BOP1: variants seen among roughly 807,000 people sequenced by gnomAD.
The protein encoded by BOP1 is BOP1 ribosomal biogenesis factor, also known as ribosome biogenesis protein BOP1.
A neutral mutation model predicts 82.9 loss-of-function variants in BOP1; 54 were observed. The ratio of observed to expected loss-of-function variants is 0.65; its 90% CI spans 0.52 to 0.82. The LOEUF (loss-of-function observed/expected upper bound fraction) is 0.82. Among genes scored for constraint, BOP1 ranks in the 40% least tolerant of loss-of-function variants. The pLI is 0.00. For missense variants in BOP1, 1,170 were observed against 1,072.0 expected (o/e 1.09, Z -1.28); for synonymous variants, 566 against 451.1 (o/e 1.25, Z -3.23).
chr8:144,262,962 C>T lies in BOP1; in HGVS notation c.1785G>A (p.Leu595=), dbSNP rs782106517. Residue 595 remains leucine, a synonymous_variant, in exon 13 of 16, where the codon TTG becomes TTA. Transcript: ENST00000569669. ...GGCGGACGCTGCGCTGGGACGCCACCAACAGGAAGGGCCGGGCAGGGTGGA... is the reference window on the plus strand; with the variant it reads ...GGCGGACGCTGCGCTGGGACGCCACTAACAGGAAGGGCCGGGCAGGGTGGA... ...VAFHPARPFL[L]VASQRSVRLY... The T allele has an allele frequency of 9.7e-6, 15 of 1,548,978 alleles. No homozygotes were observed. In the South Asian group the frequency reaches 1.8e-4, roughly 18 times the overall value.
At chr8:144,273,655 C>T (rs1239432077) in intron 3 of BOP1, among the ~76,000 whole-genome samples, 1 of 152,246 alleles carries the variant, frequency 6.6e-6, no homozygotes, top group African/African-American at 2.4e-5. Context: ...GCCCCCTTGC[C>T]CCGCCCCTCC....
In BOP1 at chr8:144,264,373, G is replaced by T; in HGVS notation, c.830C>A (p.Thr277Asn). Reference sequence around the variant, plus strand: ...GGCCCACAGGTCATAGAAGCTGGGGGTGGGGTCTCGGGGCCGGCGAGGCTG... The same window carrying T: ...GGCCCACAGGTCATAGAAGCTGGGGTTGGGGTCTCGGGGCCGGCGAGGCTG... ...WIQPRRPRDP[T>N]PSFYDLWAQE... The change falls in exon 7 of 16, where the codon ACC becomes AAC. Residue 277 changes from threonine to asparagine, a missense_variant. By Grantham distance (65) the Thr-to-Asn change is moderately conservative. Transcript: ENST00000569669. The T allele has an allele frequency of 6.2e-7, 1 of 1,604,168 alleles. No homozygotes were observed. The highest frequency in any genetic ancestry group is 8.5e-7 in the Non-Finnish European group (1 of 1,179,698).
intron 6 of BOP1, 21 bp from the exon 7 acceptor site, chr8:144,264,458 G>A (rs960368408): frequency 7.5e-6 from 12 of 1,606,602 alleles, no homozygotes; most frequent in Non-Finnish European, 9.3e-6. Context: ...AGCCGGGTCA[G>A]GACGGGCAGT....
chr8:144,266,468 T>G, intron 3 of BOP1: 2 of 979,702 alleles, frequency 2.0e-6, no homozygotes, highest in Non-Finnish European at 1.2e-6. Context: ...GGGACGCACA[T>G]GTGCGCGCGA....
rs1336401755 is a variant in BOP1, at chr8:144,268,452, ATAAT to A, written c.391-3385_391-3382del. The A allele has an allele frequency of 3.2e-5, 17 of 538,060 alleles. No homozygotes were observed. The Admixed American group carries it at 5.2e-4, about 17-fold the overall frequency. The allele number at this position is 538,060 out of a possible 1,614,324, so 33.3% of individuals were successfully genotyped here. On this transcript the variant is annotated intron_variant, in intron 3 of 15. Coordinates refer to ENST00000569669, the MANE Select transcript of BOP1 (RefSeq NM_015201.5). ...ATAATATAAAGTCTGAAAATTTTGT[ATAAT>A]TAAAAACAAAACAGTATCTTCCAAA...
intron 2 of BOP1, among the ~76,000 whole-genome samples, chr8:144,280,778 G>T (rs373604939): frequency 1.2e-4 from 19 of 152,268 alleles, no homozygotes; most frequent in African/African-American, 4.1e-4. Context: ...CTTGAATCTG[G>T]GGGGTGGAGA....
At chr8:144,262,539 G>C in intron 14 of BOP1, 36 bp from the exon 15 acceptor site, 4 of 1,612,812 alleles carry the variant, frequency 2.5e-6, no homozygotes, top group Non-Finnish European at 3.4e-6. Flanking sequence ...GCAGGCTCGG[G>C]CTGAAGGGAG....
rs11995472 is a variant in BOP1 at position 144,270,080 on chromosome 8, G to A, written c.391-5009C>T. Among the ~76,000 whole-genome samples the A allele has an allele frequency of 8.4e-3, 1,280 of 152,302 alleles. 20 individuals carry two copies. The highest frequency in any genetic ancestry group is 0.029 in the African/African-American group (1,219 of 41,564). ...ACATGAACCCCCAACCTCAGTGGCCGGTCAACGTTGGGGACAAATGGGATG... is the reference window on the plus strand; with the variant it reads ...ACATGAACCCCCAACCTCAGTGGCCAGTCAACGTTGGGGACAAATGGGATG... On this transcript the variant is annotated intron_variant, in intron 3 of 15. Coordinates refer to ENST00000569669, the MANE Select transcript of BOP1 (RefSeq NM_015201.5).
chr8:144,267,111 C>T (rs2130211245), intron 3 of BOP1: 2 of 1,465,504 alleles, frequency 1.4e-6, no homozygotes, highest in South Asian at 2.8e-5. Context: ...CGCCGCCTCC[C>T]GCCCGCGACG....
rs1588603639 is a variant in BOP1, at chr8:144,280,973, A to ATACCAGGTCTTCGGCCTTCTCTCACTTTC, written c.310-4670_310-4669insGAAAGTGAGAGAAGGCCGAAGACCTGGTA. ...CAGGTCTTTGGCCTTCTCTCACTTT[A>ATACCAGGTCTTCGGCCTTCTCTCACTTTC]ATACCAGGTCTTCGGCCTTCTCTCA... On this transcript the variant is annotated intron_variant, in intron 2 of 15. Transcript: ENST00000569669. Among the ~76,000 whole-genome samples the ATACCAGGTCTTCGGCCTTCTCTCACTTTC allele has an allele frequency of 1.5e-3, 78 of 52,788 alleles. 1 individual carries two copies. Among genetic ancestry groups the ATACCAGGTCTTCGGCCTTCTCTCACTTTC allele is most frequent in the South Asian group, 7.9e-3 (10 of 1,270 alleles). 34.6% of individuals were successfully genotyped at this position (52,788 alleles called of 152,430 possible). A position where few individuals can be genotyped will look rare whatever the true frequency, so the allele number is the denominator to read the frequency against.
Position 144,262,155 on chromosome 8 carries a change from G to A in BOP1, c.*9C>T, listed in dbSNP as rs1054426465. The A allele has an allele frequency of 1.1e-4, 183 of 1,612,082 alleles. No individual in the cohort carries two copies. The highest frequency in any genetic ancestry group is 3.2e-4 in the African/African-American group (24 of 74,994). ...GCACGACCACCCCAGCCCCAGGCAG[G>A]CAGAACAGCTAGGTGAAGAGGCGGA... is the stretch of plus-strand genomic sequence containing the variant. On this transcript the variant is annotated 3_prime_UTR_variant, in exon 16 of 16. Coordinates refer to ENST00000569669, the MANE Select transcript of BOP1 (RefSeq NM_015201.5).
In BOP1 at chr8:144,263,568, G is replaced by C; in HGVS notation, c.1334C>G (p.Ala445Gly). 1 of 1,602,806 alleles carries C rather than the reference G, an allele frequency of 6.2e-7. No homozygotes were observed. The highest frequency in any genetic ancestry group is 8.5e-7 in the Non-Finnish European group (1 of 1,179,726). Residue 445 changes from alanine (A) to glycine (G), a missense_variant, in exon 11 of 16, where the codon GCC becomes GGC. Transcript: ENST00000569669. ...CACGGGAACAGTCCTCACACAGCGG[G>C]CAGTGGCCACCTCCCAGAGCCGCAG... ...GSLRLWEVAT[A>G]RCVRTVPVGG...
chr8:144,277,721 C>A (rs907272612), intron 2 of BOP1, among the ~76,000 whole-genome samples: 33 of 121,240 alleles, frequency 2.7e-4, no homozygotes, highest in African/African-American at 8.1e-4. Context: ...CGCAGCATCC[C>A]CGTGGGACAG....
Position 144,264,161 on chromosome 8 carries a change from A to C in BOP1, c.979-19T>G. 2 of 1,609,894 alleles carry C rather than the reference A, an allele frequency of 1.2e-6. No homozygotes were observed. Among genetic ancestry groups the C allele is most frequent in the Non-Finnish European group, 1.7e-6 (2 of 1,178,910 alleles). On this transcript the variant is annotated intron_variant, in intron 7 of 15. Transcript: ENST00000569669. ...CCAAGCGCTGTGGAGACCAAGACAC[A>C]GGGGTGGGGAGGGTCACAGGGAAGC...
At position 144,263,792 on chromosome 8, in the gene BOP1, C is replaced by T; in HGVS notation, c.1222-31G>A. 4 of 1,605,140 alleles carry T rather than the reference C, an allele frequency of 2.5e-6. No individual in the cohort carries two copies. In the South Asian group the frequency reaches 3.3e-5, roughly 13 times the overall value. ...GAGGCGGCGGCAGTGAGGAGTCAGA[C>T]TGGGAGGGTGCAACCCCAGCCCCCT... On this transcript the variant is annotated intron_variant, in intron 9 of 15. Transcript: ENST00000569669.
intron 2 of BOP1, among the ~76,000 whole-genome samples, chr8:144,286,288 G>A (rs1457106794): frequency 1.3e-5 from 2 of 152,210 alleles, no homozygotes; most frequent in East Asian, 3.9e-4. Context: ...CAGGGCCCAA[G>A]GTGCCCCTCA....
intron 2 of BOP1, among the ~76,000 whole-genome samples, chr8:144,281,063 C>A (rs112355706): frequency 0.35 from 18,512 of 53,000 alleles, 4,116 homozygotes; most frequent in South Asian, 0.46. Context: ...CTCTCACTTT[C>A]ATACCAGGTC....
intron 3 of BOP1, among the ~76,000 whole-genome samples, chr8:144,275,254 C>T (rs1845551085): frequency 6.6e-6 from 1 of 152,184 alleles, no homozygotes; most frequent in Admixed American, 6.5e-5. Flanking sequence ...CTGCCTCACA[C>T]CCAGGTGCTC....
At chr8:144,277,577 G>C (rs1487370386) in intron 2 of BOP1, among the ~76,000 whole-genome samples, 2 of 152,254 alleles carry the variant, frequency 1.3e-5, no homozygotes, top group Non-Finnish European at 2.9e-5. Flanking sequence ...CCAGGGTCCT[G>C]GCAGGTGACA....
Sources: allele counts gnomAD v4.1 joint callset (sites outside exome capture counted in the v4.1 genomes callset), GRCh38; gene constraint gnomAD v4.1.1; transcripts MANE v1.5; gene names NCBI Gene and HGNC (gene_info 2026-07-23, HGNC 2026-07-21).